Variants in POU6F2 observed in about 807,000 individuals in gnomAD.
POU6F2 encodes POU class 6 homeobox 2, also known as POU domain, class 6, transcription factor 2.
In POU6F2, 31 loss-of-function variants were observed where a neutral mutation model predicts 71.3. The observed-to-expected ratio is 0.43, with a 90% confidence interval of 0.33 to 0.59. The LOEUF is 0.59. Among genes scored for constraint, POU6F2 ranks in the 20% least tolerant of loss-of-function variants. The probability of loss-of-function intolerance (pLI) is 0.04; values close to 1 mark genes in which losing one functional copy is unlikely to be tolerated. For missense variants in POU6F2, 783 were observed against 856.8 expected (o/e 0.91, Z 1.07); for synonymous variants, 347 against 355.7 (o/e 0.98, Z 0.27).
chr7:39,036,552 C>T (rs1175922180), intron 1 of POU6F2, among the ~76,000 whole-genome samples: 1 of 151,416 alleles, frequency 6.6e-6, no homozygotes, highest in Non-Finnish European at 1.5e-5. Flanking sequence ...AAGACATATG[C>T]CATTTAAAAA....
At chr7:39,077,837 A>G (rs1434937788) in intron 1 of POU6F2, among the ~76,000 whole-genome samples, 1 of 152,228 alleles carries the variant, frequency 6.6e-6, no homozygotes, top group Non-Finnish European at 1.5e-5. Context: ...AATAGCAAAT[A>G]GTATAATTTG....
intron 4 of POU6F2, among the ~76,000 whole-genome samples, chr7:39,249,182 T>G (rs1316000015): frequency 6.6e-6 from 1 of 152,268 alleles, no homozygotes; most frequent in Non-Finnish European, 1.5e-5. Flanking sequence ...TGTTGCTGAC[T>G]CCTTAATGTG....
chr7:39,241,136 G>A (rs550242517), intron 4 of POU6F2, among the ~76,000 whole-genome samples: 15 of 152,212 alleles, frequency 9.9e-5, no homozygotes, highest in South Asian at 4.1e-4. Context: ...GGTCGCATGC[G>A]TACTCTTAAC....
intron 5 of POU6F2, among the ~76,000 whole-genome samples, chr7:39,392,731 A>G (rs58695218): frequency 0.27 from 41,115 of 152,086 alleles, 6,431 homozygotes; most frequent in East Asian, 0.6. Flanking sequence ...GGCTCAGGCG[A>G]GGCAGGACGG....
At chr7:39,018,837 A>G (rs1248405840) in intron 1 of POU6F2, among the ~76,000 whole-genome samples, 1 of 152,166 alleles carries the variant, frequency 6.6e-6, no homozygotes, top group Non-Finnish European at 1.5e-5. Flanking sequence ...TTTTCACTTT[A>G]CATATTTTAA....
chr7:39,079,423 CGCCTAGGCCTCCCAAAGT>C (rs1303141325), intron 1 of POU6F2, among the ~76,000 whole-genome samples: 1 of 151,966 alleles, frequency 6.6e-6, no homozygotes, highest in Non-Finnish European at 1.5e-5. Flanking sequence ...CTGATCCGCC[CGCCTAGGCCTCCCAAAGT>C]GCTGGGATTA....
At chr7:39,310,620 T>C (rs1209262146) in intron 4 of POU6F2, among the ~76,000 whole-genome samples, 1 of 152,256 alleles carries the variant, frequency 6.6e-6, no homozygotes, top group African/African-American at 2.4e-5. Flanking sequence ...TACTTTGTGA[T>C]GCTAACAAAT....
intron 1 of POU6F2, among the ~76,000 whole-genome samples, chr7:39,014,773 G>A (rs1789426555): frequency 6.6e-6 from 1 of 151,992 alleles, no homozygotes; most frequent in Non-Finnish European, 1.5e-5. Context: ...CAAAGGTCCT[G>A]CAGATCATTC....
chr7:39,419,776 CAG>C (rs765972506), intron 6 of POU6F2, among the ~76,000 whole-genome samples: 18 of 152,076 alleles, frequency 1.2e-4, no homozygotes, highest in Admixed American at 2.6e-4. Flanking sequence ...CAGAGAAGAC[CAG>C]TTTGATGATT....
At chr7:39,010,114 C>A (rs1229071) in intron 1 of POU6F2, among the ~76,000 whole-genome samples, 1 of 83,674 alleles carries the variant, frequency 1.2e-5, no homozygotes, top group Non-Finnish European at 2.6e-5. Flanking sequence ...GTTCCTCCTT[C>A]TACCTCTGGT....
intron 4 of POU6F2, among the ~76,000 whole-genome samples, chr7:39,267,238 A>G (rs1023965957): frequency 6.6e-6 from 1 of 152,242 alleles, no homozygotes; most frequent in Non-Finnish European, 1.5e-5. Context: ...ACAGACGCCC[A>G]TAAAATTACA....
At chr7:38,995,680 C>T (rs2128697768) in intron 1 of POU6F2, among the ~76,000 whole-genome samples, 1 of 152,250 alleles carries the variant, frequency 6.6e-6, no homozygotes, top group East Asian at 1.9e-4. Context: ...AATACCAGGC[C>T]CATCACCTTT....
chr7:39,387,301 C>T (rs1002702915), intron 5 of POU6F2, among the ~76,000 whole-genome samples: 1 of 152,216 alleles, frequency 6.6e-6, no homozygotes, highest in Non-Finnish European at 1.5e-5. Flanking sequence ...CCTACCAGTA[C>T]TAAGAACCAT....
chr7:39,212,614 T>A (rs141307276), intron 4 of POU6F2, among the ~76,000 whole-genome samples: 47 of 152,308 alleles, frequency 3.1e-4, no homozygotes, highest in African/African-American at 1.1e-3. Context: ...TTATCCCATG[T>A]TTATTGGGCT....
chr7:39,138,501 A>T (rs1385297595), intron 2 of POU6F2, among the ~76,000 whole-genome samples: 6 of 152,124 alleles, frequency 3.9e-5, no homozygotes, highest in Non-Finnish European at 8.8e-5. Context: ...TTAGATTCTC[A>T]TAGGAGCACA....
At chr7:39,417,635 A>T (rs935394808) in intron 6 of POU6F2, among the ~76,000 whole-genome samples, 2 of 152,222 alleles carry the variant, frequency 1.3e-5, no homozygotes, top group African/African-American at 4.8e-5. Flanking sequence ...AAAGATACAC[A>T]AACAGGAAAA....
At chr7:39,022,695 C>A (rs749439642) in intron 1 of POU6F2, among the ~76,000 whole-genome samples, 10 of 152,032 alleles carry the variant, frequency 6.6e-5, no homozygotes, top group Non-Finnish European at 1.2e-4. Context: ...TTGGGACTTT[C>A]CCCCGCTTTT....
chr7:39,418,830 G>A (rs527300947), intron 6 of POU6F2, among the ~76,000 whole-genome samples: 46 of 150,872 alleles, frequency 3.0e-4, no homozygotes, highest in African/African-American at 9.9e-4. Flanking sequence ...TCAGCATAAC[G>A]TGTGTAAGTG....
At chr7:39,041,075 G>A (rs1482043654) in intron 1 of POU6F2, among the ~76,000 whole-genome samples, 2 of 151,946 alleles carry the variant, frequency 1.3e-5, no homozygotes, top group African/African-American at 2.4e-5. Context: ...CTCCTTCAAT[G>A]AGAGATGGAT....
Sources: allele counts gnomAD v4.1 joint callset (sites outside exome capture counted in the v4.1 genomes callset), GRCh38; gene constraint gnomAD v4.1.1; transcripts MANE v1.5; gene names NCBI Gene and HGNC (gene_info 2026-07-23, HGNC 2026-07-21).